ADARB2: variants seen among roughly 807,000 people sequenced by gnomAD.
ADARB2 encodes the protein inactive double-stranded RNA-specific editase B2.
A neutral mutation model predicts 62.2 loss-of-function variants in ADARB2; 25 were observed. The observed-to-expected ratio is 0.40, with a 90% CI of 0.29 to 0.56. The LOEUF (loss-of-function observed/expected upper bound fraction) is 0.56, where lower values mean the gene tolerates loss of function less well. ADARB2 is among the 20% of genes least tolerant of loss of function. The pLI is 0.43. For missense variants in ADARB2, 1,071 were observed against 1,077.4 expected (o/e 0.99, Z 0.08); for synonymous variants, 572 against 500.8 (o/e 1.14, Z -1.90).
At chr10:1,412,880 G>T (rs142334712) in intron 1 of ADARB2, among the ~76,000 whole-genome samples, 3 of 152,186 alleles carry the variant, frequency 2.0e-5, no homozygotes, top group Admixed American at 2.0e-4. Flanking sequence ...AAATCCACCC[G>T]CAGTGTTTTT....
Position 1,477,380 on chromosome 10 carries a change from C to A in ADARB2, c.101-98220G>T, listed in dbSNP as rs1039455193. ...TCCACAAGTAGCCCCAGCAGCATGACCTTATCTGCCCATGGCCCCCTCCAG... is the reference window on the plus strand; with the variant it reads ...TCCACAAGTAGCCCCAGCAGCATGAACTTATCTGCCCATGGCCCCCTCCAG... On this transcript the variant is annotated intron_variant, in intron 1 of 9. Transcript: ENST00000381312. The surrounding 1 kb of genome is among the most constrained non-coding windows in gnomAD (Gnocchi z 4.5). Among the ~76,000 whole-genome samples the A allele has an allele frequency of 3.3e-5, 5 of 152,204 alleles. No homozygotes were observed. Among genetic ancestry groups the A allele is most frequent in the East Asian group, 1.9e-4 (1 of 5,192 alleles).
In ADARB2 at chr10:1,698,840, A is replaced by C. The variant is rs72766786; in HGVS notation, c.100+38211T>G. On this transcript the variant is annotated intron_variant, in intron 1 of 9. Transcript: ENST00000381312. ...AATGGCATTATCTTGGGTCACTGCA[A>C]CTTCTGCCTCCCAAGTTCAAGCAGT... is the stretch of plus-strand genomic sequence containing the variant. Among the ~76,000 whole-genome samples, 1,459 of 152,282 alleles carry C rather than the reference A, an allele frequency of 9.6e-3. 12 individuals are homozygous for C. The highest frequency in any genetic ancestry group is 0.015 in the Non-Finnish European group (1,052 of 68,018).
chr10:1,215,217 T>G (rs755157627), intron 7 of ADARB2, among the ~76,000 whole-genome samples: 4 of 152,236 alleles, frequency 2.6e-5, no homozygotes, highest in Non-Finnish European at 5.9e-5. Flanking sequence ...TGTTATCTGT[T>G]GGGCATATGG....
chr10:1,329,872 G>A (rs1044058492), intron 3 of ADARB2, among the ~76,000 whole-genome samples: 2 of 151,046 alleles, frequency 1.3e-5, no homozygotes, highest in Admixed American at 6.6e-5. Flanking sequence ...TGAAGGCTCC[G>A]GACCAGGGGC....
intron 1 of ADARB2, among the ~76,000 whole-genome samples, chr10:1,389,467 G>A (rs950719385): frequency 5.9e-5 from 9 of 152,128 alleles, no homozygotes; most frequent in African/African-American, 1.4e-4. Context: ...TAAAAAGTGG[G>A]CAACATACTT....
At chr10:1,337,062 CTGTG>C (rs145511384) in intron 3 of ADARB2, among the ~76,000 whole-genome samples, 43 of 142,146 alleles carry the variant, frequency 3.0e-4, no homozygotes, top group Middle Eastern at 3.6e-3. Flanking sequence ...TTAAAGATTT[CTGTG>C]TGTGTGTGTG....
At chr10:1,609,104 C>T (rs1588322016) in intron 1 of ADARB2, among the ~76,000 whole-genome samples, 2 of 152,204 alleles carry the variant, frequency 1.3e-5, no homozygotes, top group African/African-American at 2.4e-5. Flanking sequence ...TGCCCGGCGT[C>T]GCTGGCCTTT....
chr10:1,362,258 G>C lies in ADARB2; in HGVS notation c.1077+770C>G, dbSNP rs533816018. On this transcript the variant is annotated intron_variant, in intron 3 of 9. Coordinates refer to ENST00000381312, the MANE Select transcript of ADARB2 (RefSeq NM_018702.4). Reference sequence around the variant, plus strand: ...GGGTATTTAAACCCCAGAAACTTCAGTAACGGGCTCTTGGGCCCCTGTGCT... The same window carrying C: ...GGGTATTTAAACCCCAGAAACTTCACTAACGGGCTCTTGGGCCCCTGTGCT... Among the ~76,000 whole-genome samples the C allele has an allele frequency of 7.2e-5, 11 of 152,374 alleles. No individual in the cohort carries two copies. The South Asian group carries it at 2.3e-3, about 32-fold the overall frequency.
intron 1 of ADARB2, among the ~76,000 whole-genome samples, chr10:1,437,431 A>C (rs1830845906): frequency 1.3e-5 from 2 of 152,208 alleles, no homozygotes; most frequent in Non-Finnish European, 2.9e-5. Flanking sequence ...TGCTTATGGT[A>C]CAAAGACTAA....
At chr10:1,396,198 C>G (rs907910966) in intron 1 of ADARB2, among the ~76,000 whole-genome samples, 4 of 152,068 alleles carry the variant, frequency 2.6e-5, no homozygotes, top group African/African-American at 9.7e-5. Flanking sequence ...GGCTGGTACA[C>G]GGGATGGGTT....
intron 3 of ADARB2, among the ~76,000 whole-genome samples, chr10:1,305,819 A>G (rs908251689): frequency 2.6e-5 from 4 of 152,218 alleles, no homozygotes; most frequent in Non-Finnish European, 5.9e-5. Context: ...TTATCTCAAT[A>G]GATGCAGAAA....
At chr10:1,565,028 C>T (rs1832839755) in intron 1 of ADARB2, among the ~76,000 whole-genome samples, 1 of 152,230 alleles carries the variant, frequency 6.6e-6, no homozygotes, top group Non-Finnish European at 1.5e-5. Context: ...GCACCGGTGC[C>T]TTCCCCTCCC....
intron 1 of ADARB2, among the ~76,000 whole-genome samples, chr10:1,585,360 T>C (rs1833161580): frequency 6.6e-6 from 1 of 152,218 alleles, no homozygotes; most frequent in Non-Finnish European, 1.5e-5. Flanking sequence ...GTTTTCCATT[T>C]GGTTCCTAAA....
chr10:1,349,491 T>C (rs1832113543), intron 3 of ADARB2, among the ~76,000 whole-genome samples: 1 of 152,262 alleles, frequency 6.6e-6, no homozygotes, highest in Admixed American at 6.5e-5. Context: ...TGCTCTTTGC[T>C]CTGTGAGAAA....
chr10:1,218,727 C>G (rs1009157610), intron 6 of ADARB2, among the ~76,000 whole-genome samples: 3 of 152,126 alleles, frequency 2.0e-5, no homozygotes, highest in Non-Finnish European at 4.4e-5. Flanking sequence ...GTGAATTGTT[C>G]TCATGAGACC....
At chr10:1,402,778 A>G (rs1156354416) in intron 1 of ADARB2, among the ~76,000 whole-genome samples, 2 of 152,180 alleles carry the variant, frequency 1.3e-5, no homozygotes, top group Non-Finnish European at 2.9e-5. Context: ...TAACCTGATC[A>G]GCATAAACCT....
intron 1 of ADARB2, among the ~76,000 whole-genome samples, chr10:1,586,839 A>T (rs1833187573): frequency 6.6e-6 from 1 of 152,230 alleles, no homozygotes; most frequent in Admixed American, 6.5e-5. Flanking sequence ...ATAAAGAAAT[A>T]TATAAAACGC....
chr10:1,232,845 A>G (rs1830822202), intron 6 of ADARB2, among the ~76,000 whole-genome samples: 1 of 144,366 alleles, frequency 6.9e-6, no homozygotes, highest in Non-Finnish European at 1.5e-5. Flanking sequence ...TGTGTGTGGT[A>G]TATGTGGTAT....
At chr10:1,511,692 C>T (rs57969332) in intron 1 of ADARB2, among the ~76,000 whole-genome samples, 3,156 of 151,282 alleles carry the variant, frequency 0.021, 113 homozygotes, top group African/African-American at 0.071. Flanking sequence ...ACCAAGACGT[C>T]GATACTGTCC....
Sources: allele counts gnomAD v4.1 joint callset (sites outside exome capture counted in the v4.1 genomes callset), GRCh38; gene constraint gnomAD v4.1.1; non-coding constraint Gnocchi (gnomAD v3.1); transcripts MANE v1.5; gene names NCBI Gene and HGNC (gene_info 2026-07-23, HGNC 2026-07-21).